The following TBC1D12 variants were observed in gnomAD, a reference collection of about 807,000 sequenced individuals.
The protein encoded by TBC1D12 is TBC1 domain family, member 12.
In TBC1D12, 56 loss-of-function variants were observed where a neutral mutation model predicts 86.7. That is an observed-to-expected ratio of 0.65 (90% CI 0.52 to 0.81). The LOEUF (loss-of-function observed/expected upper bound fraction) is 0.81, where lower values mean the gene tolerates loss of function less well. Ranked by LOEUF, TBC1D12 falls within the 30% of genes least tolerant of loss-of-function variation. The pLI, the probability that TBC1D12 is intolerant of heterozygous loss-of-function variation, is 0.00. For synonymous variants in TBC1D12, 421 were observed against 411.7 expected, an observed-to-expected ratio of 1.02 and a Z score of -0.27; for missense variants, 1,023 against 1,038.8, an observed-to-expected ratio of 0.98 and a Z score of 0.21.
chr10:94,504,303 G>A (rs927776901), intron 6 of TBC1D12, among the ~76,000 whole-genome samples: 15 of 152,094 alleles, frequency 9.9e-5, no homozygotes, highest in African/African-American at 3.4e-4. Flanking sequence ...GGTTAAATTG[G>A]TGTTAACGTT....
In TBC1D12 at chr10:94,403,264, C is replaced by G. The variant is rs750756722; in HGVS notation, c.651C>G (p.Ser217Arg). ...ADAQEPEGAG[S>R]DSGDSPASSC... ...CCCAGGAGCCCGAGGGCGCGGGCAGCGACTCGGGGGACAGCCCCGCCAGCA... is the reference window on the plus strand; with the variant it reads ...CCCAGGAGCCCGAGGGCGCGGGCAGGGACTCGGGGGACAGCCCCGCCAGCA... Residue 217 changes from serine to arginine, a missense_variant, in exon 1 of 13, where the codon AGC becomes AGG. Coordinates refer to ENST00000225235, the MANE Select transcript of TBC1D12 (RefSeq NM_015188.2). The G allele has an allele frequency of 2.0e-6, 3 of 1,502,596 alleles. No individual in the cohort carries two copies. The East Asian group carries it at 8.5e-5, about 42-fold the overall frequency. 93.1% of individuals were successfully genotyped at this position (1,502,596 alleles called of 1,614,324 possible).
At chr10:94,474,831 A>T in intron 3 of TBC1D12, 48 bp downstream of exon 3, 1 of 1,505,620 alleles carries the variant, frequency 6.6e-7, no homozygotes, top group South Asian at 1.2e-5. Context: ...TTTTAAAGTT[A>T]AATTTAATTT....
intron 3 of TBC1D12, among the ~76,000 whole-genome samples, chr10:94,485,986 T>TAA (rs2056154534): frequency 6.6e-6 from 1 of 152,094 alleles, no homozygotes; most frequent in Non-Finnish European, 1.5e-5. Context: ...TGATTTTACT[T>TAA]ATTTGAGTCT....
intron 1 of TBC1D12, among the ~76,000 whole-genome samples, chr10:94,405,204 A>G (rs2054838470): frequency 6.6e-6 from 1 of 151,654 alleles, no homozygotes; most frequent in African/African-American, 2.4e-5. Flanking sequence ...TTGTTTTTCT[A>G]CCTTTTCGGG....
At chr10:94,465,004 A>G (rs1564959849) in intron 2 of TBC1D12, among the ~76,000 whole-genome samples, 1 of 152,242 alleles carries the variant, frequency 6.6e-6, no homozygotes, top group Non-Finnish European at 1.5e-5. Flanking sequence ...TTATGTATGT[A>G]GTAAAGAGAA....
chr10:94,436,179 C>T (rs2055293573), intron 1 of TBC1D12, among the ~76,000 whole-genome samples: 1 of 150,070 alleles, frequency 6.7e-6, no homozygotes, highest in Non-Finnish European at 1.5e-5. Context: ...CACTTTTTTG[C>T]TAGCTGGAGT....
chr10:94,488,516 G>A (rs1040073057), intron 3 of TBC1D12, among the ~76,000 whole-genome samples: 7 of 142,174 alleles, frequency 4.9e-5, no homozygotes, highest in African/African-American at 7.8e-5. Context: ...TCAGCCTCCC[G>A]AGTAGCTGGG....
Position 94,419,659 on chromosome 10 carries a change from A to C in TBC1D12, c.971+16075A>C, listed in dbSNP as rs527255746. ...ACTCTAGCCTGGGCGACAGAGCAAG[A>C]CTCTGTCTCAGGGAAAAAAAAGACA... On this transcript the variant is annotated intron_variant, in intron 1 of 12. Transcript: ENST00000225235. Among the ~76,000 whole-genome samples the C allele has an allele frequency of 1.4e-4, 22 of 152,208 alleles. No individual in the cohort carries two copies. The South Asian group carries it at 3.9e-3, about 27-fold the overall frequency.
intron 8 of TBC1D12, among the ~76,000 whole-genome samples, chr10:94,510,883 C>T (rs1283733278): frequency 6.6e-6 from 1 of 151,920 alleles, no homozygotes; most frequent in Non-Finnish European, 1.5e-5. Context: ...AAATTTTTAC[C>T]ATTAAGATTA....
chr10:94,513,497 T>A (rs1474402212), intron 9 of TBC1D12, among the ~76,000 whole-genome samples: 1 of 152,182 alleles, frequency 6.6e-6, no homozygotes, highest in African/African-American at 2.4e-5. Flanking sequence ...AAAAATATAT[T>A]AACAAGCTCT....
At chr10:94,478,275 T>C (rs918681796) in intron 3 of TBC1D12, among the ~76,000 whole-genome samples, 2 of 151,884 alleles carry the variant, frequency 1.3e-5, no homozygotes, top group East Asian at 3.9e-4. Flanking sequence ...AAAAATAAAA[T>C]AAGATGACAG....
At chr10:94,524,374 G>T (rs1266764559) in intron 11 of TBC1D12, among the ~76,000 whole-genome samples, 3 of 152,130 alleles carry the variant, frequency 2.0e-5, no homozygotes, top group African/African-American at 7.2e-5. Flanking sequence ...GAAAGAAAAA[G>T]AAATGGTTTG....
intron 1 of TBC1D12, among the ~76,000 whole-genome samples, chr10:94,434,712 C>A (rs1428404386): frequency 6.6e-6 from 1 of 151,872 alleles, no homozygotes; most frequent in African/African-American, 2.4e-5. Context: ...TCGAGACCAG[C>A]CTGGGAAACA....
chr10:94,536,229 T>A lies in TBC1D12; in HGVS notation c.*3133T>A, dbSNP rs1420745301. ...AAAACTTTTCCTAAAATACTCAAAA[T>A]AATGTGAAATTTAATATGGTGTTTC... On this transcript the variant is annotated 3_prime_UTR_variant, in exon 13 of 13. Transcript: ENST00000225235. 1.3e-5 allele frequency among the ~76,000 whole-genome samples: 2 copies of A among 152,168 alleles called. No homozygotes were observed. Among genetic ancestry groups the A allele is most frequent in the African/African-American group, 4.8e-5 (2 of 41,462 alleles).
chr10:94,499,586 G>C (rs1377727163), intron 5 of TBC1D12, among the ~76,000 whole-genome samples: 2 of 152,134 alleles, frequency 1.3e-5, no homozygotes, highest in East Asian at 3.8e-4. Context: ...GCCTACTGTA[G>C]TTTGTACATT....
At chr10:94,422,480 G>A (rs1388485714) in intron 1 of TBC1D12, among the ~76,000 whole-genome samples, 3 of 151,890 alleles carry the variant, frequency 2.0e-5, no homozygotes, top group Non-Finnish European at 4.4e-5. Flanking sequence ...GAGCCACCAC[G>A]CCCGGCTGGG....
chr10:94,417,127 A>T (rs2055009759), intron 1 of TBC1D12, among the ~76,000 whole-genome samples: 1 of 152,234 alleles, frequency 6.6e-6, no homozygotes, highest in Non-Finnish European at 1.5e-5. Flanking sequence ...CGGAACGGTG[A>T]CTTGCATAGC....
intron 3 of TBC1D12, among the ~76,000 whole-genome samples, chr10:94,480,157 G>A (rs577474192): frequency 1.3e-5 from 2 of 152,284 alleles, no homozygotes; most frequent in African/African-American, 4.8e-5. Context: ...CGATCTGATT[G>A]TTTTCTTTTA....
At chr10:94,520,358 G>C (rs1319631661) in intron 9 of TBC1D12, among the ~76,000 whole-genome samples, 1 of 152,026 alleles carries the variant, frequency 6.6e-6, no homozygotes, top group Non-Finnish European at 1.5e-5. Flanking sequence ...TTCAAGACCA[G>C]CCTGACCAAC....
Sources: allele counts gnomAD v4.1 joint callset (sites outside exome capture counted in the v4.1 genomes callset), GRCh38; gene constraint gnomAD v4.1.1; transcripts MANE v1.5; gene names NCBI Gene and HGNC (gene_info 2026-07-23, HGNC 2026-07-21).